OTUD7B: variants seen among roughly 807,000 people sequenced by gnomAD.
OTUD7B encodes OTU deubiquitinase 7B.
In OTUD7B, 34 loss-of-function variants were observed where a neutral mutation model predicts 82.2. The ratio of observed to expected loss-of-function variants is 0.41; its 90% CI spans 0.31 to 0.55. The LOEUF is 0.55. OTUD7B is among the 20% of genes least tolerant of loss of function. The probability of loss-of-function intolerance (pLI) is 0.20; values close to 1 mark genes in which losing one functional copy is unlikely to be tolerated. For synonymous variants in OTUD7B, 398 were observed against 402.7 expected, an observed-to-expected ratio of 0.99 and a Z score of 0.14; for missense variants, 944 against 1,062.1, an observed-to-expected ratio of 0.89 and a Z score of 1.55.
chr1:150,028,827 C>T, the OTUD7B span, among the ~76,000 whole-genome samples: 1 of 152,270 alleles, frequency 6.6e-6, no homozygotes, highest in East Asian at 1.9e-4. Flanking sequence ...TGAGCCACCA[C>T]GCCTGGTTGC....
chr1:150,000,992 T>TAATA (rs1182881151), intron 1 of OTUD7B, among the ~76,000 whole-genome samples: 68 of 151,170 alleles, frequency 4.5e-4, no homozygotes, highest in South Asian at 1.0e-3. Flanking sequence ...AATAAATAAA[T>TAATA]AATAAATAAA....
rs2092751868 is a variant in OTUD7B, at chr1:149,940,186, CTTGT to C, written c.*3667_*3670del. ...ATACAACACGAAGTCACTGCTAATT[CTTGT>C]TTGTCTGTGGGCCTTAGTTTCGCTT... On this transcript the variant is annotated 3_prime_UTR_variant, in exon 12 of 12. Transcript: ENST00000581312. 1 of 150,784 alleles carries C rather than the reference CTTGT, an allele frequency of 6.6e-6. No homozygotes were observed. Among genetic ancestry groups the C allele is most frequent in the Non-Finnish European group, 1.5e-5 (1 of 67,898 alleles). 9.3% of individuals were successfully genotyped at this position (150,784 alleles called of 1,614,324 possible).
At chr1:149,991,332 G>T (rs1043918070) in intron 1 of OTUD7B, among the ~76,000 whole-genome samples, 1 of 151,950 alleles carries the variant, frequency 6.6e-6, no homozygotes, top group African/African-American at 2.4e-5. Context: ...TCTACTGATC[G>T]TACCTTTTAT....
intron 1 of OTUD7B, among the ~76,000 whole-genome samples, chr1:150,001,649 T>C (rs982529442): frequency 2.0e-5 from 3 of 152,138 alleles, no homozygotes; most frequent in African/African-American, 2.4e-5. Context: ...GTGCCTCCTT[T>C]CTACCCACCC....
chr1:150,014,084 G>GTGTGTA (rs1336267152), upstream of OTUD7B, among the ~76,000 whole-genome samples: 77 of 30,390 alleles, frequency 2.5e-3, no homozygotes, highest in East Asian at 7.1e-3. Flanking sequence ...GTGTGTGTGT[G>GTGTGTA]TATATATATA....
intron 1 of OTUD7B, among the ~76,000 whole-genome samples, chr1:149,985,553 T>C (rs926031069): frequency 6.6e-6 from 1 of 152,074 alleles, no homozygotes; most frequent in Non-Finnish European, 1.5e-5. Context: ...GCCTGAGCAA[T>C]GTAGCAAGAA....
chr1:149,980,621 AGGATCACT>A (rs1317534502), intron 1 of OTUD7B, among the ~76,000 whole-genome samples: 2 of 152,094 alleles, frequency 1.3e-5, no homozygotes, highest in Non-Finnish European at 2.9e-5. Flanking sequence ...CTGAGGCAGA[AGGATCACT>A]TGAACCAGGA....
the OTUD7B span, among the ~76,000 whole-genome samples, chr1:150,062,765 T>A: frequency 7.5e-6 from 1 of 132,984 alleles, no homozygotes. Flanking sequence ...CAGGCTGGAC[T>A]GCAATGGCGC....
intron 1 of OTUD7B, among the ~76,000 whole-genome samples, chr1:150,005,402 A>G (rs1652595697): frequency 6.6e-6 from 1 of 152,246 alleles, no homozygotes; most frequent in African/African-American, 2.4e-5. Context: ...AGCACAGTTG[A>G]AAATAATCCC....
At chr1:150,043,909 A>C in the OTUD7B span, among the ~76,000 whole-genome samples, 1 of 152,274 alleles carries the variant, frequency 6.6e-6, no homozygotes, top group African/African-American at 2.4e-5. Context: ...ACTTGAGCCC[A>C]GGAGTTCAAG....
At chr1:150,004,602 A>C (rs1450054156) in intron 1 of OTUD7B, among the ~76,000 whole-genome samples, 2 of 150,590 alleles carry the variant, frequency 1.3e-5, no homozygotes, top group Non-Finnish European at 3.0e-5. Context: ...TAAATAAATA[A>C]ATAAATTTTA....
At chr1:150,046,809 G>A in the OTUD7B span, among the ~76,000 whole-genome samples, 5 of 151,564 alleles carry the variant, frequency 3.3e-5, no homozygotes, top group Admixed American at 6.6e-5. Context: ...GGTGGCTCAC[G>A]CCTGTAATCC....
rs782534520 is a variant in OTUD7B, at chr1:149,971,014, C to T, written c.274+49G>A. 3.5e-5 allele frequency: 49 copies of T among 1,415,564 alleles called. No homozygotes were observed. The Admixed American group carries it at 7.3e-4, about 21-fold the overall frequency. The allele number at this position is 1,415,564 out of a possible 1,614,324, so 87.7% of individuals were successfully genotyped here. On this transcript the variant is annotated intron_variant, in intron 3 of 11. Transcript: ENST00000581312. ...AGACTTTATGACTCCATTTAACAAT[C>T]CCCTCCCTTCCTACTCCATATACGG...
chr1:150,036,954 C>T, the OTUD7B span, among the ~76,000 whole-genome samples: 1 of 152,294 alleles, frequency 6.6e-6, no homozygotes, highest in East Asian at 1.9e-4. Flanking sequence ...TGTATAAACA[C>T]TCAGCTGTCT....
In OTUD7B at chr1:149,943,779, T is replaced by C; in HGVS notation, c.*78A>G. On this transcript the variant is annotated 3_prime_UTR_variant, in exon 12 of 12. Coordinates refer to ENST00000581312, the MANE Select transcript of OTUD7B (RefSeq NM_020205.4). Reference sequence around the variant, plus strand: ...CATTACTGCATTTTCCCCCTCAACATGGGGACTGTGTTCTTGATGAGCCAA... The same window carrying C: ...CATTACTGCATTTTCCCCCTCAACACGGGGACTGTGTTCTTGATGAGCCAA... 7.2e-7 allele frequency: 1 copy of C among 1,389,946 alleles called. No individual in the cohort carries two copies. Among genetic ancestry groups the C allele is most frequent in the Admixed American group, 1.8e-5 (1 of 55,356 alleles). 86.1% of individuals were successfully genotyped at this position (1,389,946 alleles called of 1,614,324 possible). A position where few individuals can be genotyped will look rare whatever the true frequency, so the allele number is the denominator to read the frequency against.
chr1:149,974,865 C>CT (rs1265818563), intron 2 of OTUD7B, among the ~76,000 whole-genome samples: 146,831 of 147,380 alleles, frequency 1, 73,142 homozygotes, highest in East Asian at 1. Context: ...CTTTTTCTTT[C>CT]TTTTTTTTTT....
rs1553776899 is a variant in OTUD7B at position 149,967,514 on chromosome 1, G to T, written c.282C>A (p.Arg94=). Residue 94 remains arginine (R), a synonymous_variant, in exon 4 of 12, where the codon CGC becomes CGA. Transcript: ENST00000581312. ...QRQDDIVQEK[R]LSRGISHASS... is the part of the protein sequence containing the mutation. ...TGGCGTGGGAGATGCCCCTAGACAGGCGTTTTTCTGCAATGAGAAATGGAG... is the reference window on the plus strand; with the variant it reads ...TGGCGTGGGAGATGCCCCTAGACAGTCGTTTTTCTGCAATGAGAAATGGAG... 6.3e-7 allele frequency: 1 copy of T among 1,594,050 alleles called. No individual in the cohort carries two copies. The highest frequency in any genetic ancestry group is 1.3e-5 in the African/African-American group (1 of 74,320).
chr1:150,052,683 G>C, the OTUD7B span, among the ~76,000 whole-genome samples: 1 of 151,926 alleles, frequency 6.6e-6, no homozygotes, highest in African/African-American at 2.4e-5. Flanking sequence ...AATTCATATG[G>C]AACTAAAAAA....
At chr1:150,056,694 A>G in the OTUD7B span, among the ~76,000 whole-genome samples, 1 of 152,180 alleles carries the variant, frequency 6.6e-6, no homozygotes, top group African/African-American at 2.4e-5. Context: ...TATTTTTCCT[A>G]ATACCTAAAA....
Sources: gnomAD v4.1 joint callset for allele counts (sites outside exome capture counted in the v4.1 genomes callset) on GRCh38, gnomAD v4.1.1 for gene constraint, MANE v1.5 for transcripts, NCBI Gene and HGNC (gene_info 2026-07-23, HGNC 2026-07-21) for gene names.